The following PPP1R37 variants were observed in gnomAD, a reference collection of about 807,000 sequenced individuals.
The protein encoded by PPP1R37 is leucine rich repeat containing 68.
PPP1R37 carries 21 observed loss-of-function variants against 61.0 expected under a neutral mutation model. The observed-to-expected ratio is 0.34, with a 90% CI of 0.24 to 0.50. PPP1R37 has a LOEUF of 0.50. Ranked by LOEUF, PPP1R37 falls within the 20% of genes least tolerant of loss-of-function variation. PPP1R37 has a pLI of 0.98. For synonymous variants in PPP1R37, 443 were observed against 433.5 expected (o/e 1.02, Z -0.27); for missense variants, 910 against 952.7 (o/e 0.96, Z 0.59).
chr19:45,112,628 T>C (rs1440322238), intron 1 of PPP1R37, among the ~76,000 whole-genome samples: 2 of 152,166 alleles, frequency 1.3e-5, no homozygotes, highest in African/African-American at 4.8e-5. Context: ...ATGGTCCCTC[T>C]TTCAGGACGC....
In PPP1R37 at chr19:45,144,999, G is replaced by A; in HGVS notation, c.1129+4G>A. ...TCCACCAAGCTCACGTGCGAGGGTA[G>A]GGTACGGGGCCGGGCCAGGGTGCGG... On this transcript the variant is annotated splice_donor_region_variant and intron_variant, in intron 9 of 12. Transcript: ENST00000221462. The A allele has an allele frequency of 6.5e-7, 1 of 1,534,098 alleles. No homozygotes were observed. The highest frequency in any genetic ancestry group is 8.7e-7 in the Non-Finnish European group (1 of 1,146,004).
chr19:45,106,790 C>T (rs1214614956), intron 1 of PPP1R37, among the ~76,000 whole-genome samples: 1 of 136,248 alleles, frequency 7.3e-6, no homozygotes, highest in Non-Finnish European at 1.6e-5. Context: ...TTCCTTATGG[C>T]TAATGATGTT....
intron 1 of PPP1R37, among the ~76,000 whole-genome samples, chr19:45,132,829 A>G (rs923768430): frequency 2.0e-5 from 3 of 151,896 alleles, no homozygotes; most frequent in Non-Finnish European, 4.4e-5. Flanking sequence ...TTGGCTTCCC[A>G]AAGTGCTGGG....
At chr19:45,140,374 G>A in intron 3 of PPP1R37, 93 bp downstream of exon 3, 1 of 1,354,294 alleles carries the variant, frequency 7.4e-7, no homozygotes. Flanking sequence ...GGGGTTAGCG[G>A]CTTCTGGAGC....
chr19:45,139,288 T>G (rs1968579036), intron 2 of PPP1R37, among the ~76,000 whole-genome samples: 1 of 152,270 alleles, frequency 6.6e-6, no homozygotes, highest in Admixed American at 6.5e-5. Context: ...ACTACAGATC[T>G]GAAAAGCCAA....
At chr19:45,135,533 A>G (rs1968528347) in intron 1 of PPP1R37, among the ~76,000 whole-genome samples, 1 of 152,216 alleles carries the variant, frequency 6.6e-6, no homozygotes, top group South Asian at 2.1e-4. Context: ...TTAAAGCTTG[A>G]GGAAGCTGAA....
chr19:45,143,670 C>T, intron 8 of PPP1R37, 37 bp downstream of exon 8: 2 of 1,271,770 alleles, frequency 1.6e-6, no homozygotes, highest in South Asian at 2.6e-5. Flanking sequence ...GCACCTCGGT[C>T]CCCGCTGCCA....
At chr19:45,135,322 C>T (rs1477896068) in intron 1 of PPP1R37, among the ~76,000 whole-genome samples, 1 of 152,196 alleles carries the variant, frequency 6.6e-6, no homozygotes, top group Non-Finnish European at 1.5e-5. Context: ...TGGTATCCAC[C>T]CTGATGCCAC....
chr19:45,103,774 C>G (rs1021089842), intron 1 of PPP1R37, among the ~76,000 whole-genome samples: 3 of 152,130 alleles, frequency 2.0e-5, no homozygotes, highest in Admixed American at 1.3e-4. Flanking sequence ...CAGGGCTAAG[C>G]TCTTTACATG....
chr19:45,139,536 G>A (rs777783850), intron 2 of PPP1R37, among the ~76,000 whole-genome samples: 7 of 150,082 alleles, frequency 4.7e-5, no homozygotes, highest in African/African-American at 7.6e-5. Context: ...GAGGGTTCCA[G>A]GGTTGCCTGT....
At position 45,135,706 on chromosome 19, in the gene PPP1R37, C is replaced by A. The variant is rs193228497; in HGVS notation, c.203-2808C>A. Among the ~76,000 whole-genome samples, 5 of 151,964 alleles carry A rather than the reference C, an allele frequency of 3.3e-5. No individual in the cohort carries two copies. In the South Asian group the frequency reaches 1.0e-3, roughly 32 times the overall value. ...TGGATGAAGCGCCTGGCACGAAGTC[C>A]GTGGGCAGCGCTGCTCTGTGTGTCT... is the stretch of plus-strand genomic sequence containing the variant. On this transcript the variant is annotated intron_variant, in intron 1 of 12. Coordinates refer to ENST00000221462, the MANE Select transcript of PPP1R37 (RefSeq NM_019121.2).
At chr19:45,097,440 C>T (rs888723073) in intron 1 of PPP1R37, among the ~76,000 whole-genome samples, 4 of 151,770 alleles carry the variant, frequency 2.6e-5, no homozygotes, top group East Asian at 3.9e-4. Flanking sequence ...ACTGGGGGCA[C>T]CCCAGTGCAG....
chr19:45,105,843 G>A (rs777997996), intron 1 of PPP1R37, among the ~76,000 whole-genome samples: 1 of 152,234 alleles, frequency 6.6e-6, no homozygotes, highest in South Asian at 2.1e-4. Context: ...TGTGTCTCCT[G>A]CACAGCTCCA....
In PPP1R37 at chr19:45,110,546, C is replaced by G. The variant is rs564845098; in HGVS notation, c.202+17019C>G. On this transcript the variant is annotated intron_variant, in intron 1 of 12. Coordinates refer to ENST00000221462, the MANE Select transcript of PPP1R37 (RefSeq NM_019121.2). ...TTTCCCCTATAATATGCATTTTCTT[C>G]TTATAACTGGTAAATTTTTGGGTGA... Among the ~76,000 whole-genome samples the G allele has an allele frequency of 2.0e-5, 3 of 152,156 alleles. No individual in the cohort carries two copies. In the South Asian group the frequency reaches 6.2e-4, roughly 31 times the overall value.
chr19:45,122,249 A>G (rs1599701188), intron 1 of PPP1R37, among the ~76,000 whole-genome samples: 1 of 152,128 alleles, frequency 6.6e-6, no homozygotes. Flanking sequence ...TCACGTGCAC[A>G]CCTTCGCTGC....
rs115490201 is a variant in PPP1R37 at position 45,107,214 on chromosome 19, C to T, written c.202+13687C>T. Among the ~76,000 whole-genome samples the T allele has an allele frequency of 9.4e-3, 1,435 of 151,916 alleles. 20 individuals carry two copies. Among genetic ancestry groups the T allele is most frequent in the African/African-American group, 0.031 (1,290 of 41,428 alleles). ...TTGCCCATTTTTAAATTGAGCCAGC[C>T]GGGCACAGTGATTCATGCCTATAAT... On this transcript the variant is annotated intron_variant, in intron 1 of 12. Coordinates refer to ENST00000221462, the MANE Select transcript of PPP1R37 (RefSeq NM_019121.2).
intron 11 of PPP1R37, 122 bp downstream of exon 11, chr19:45,146,171 C>G (rs764474504): frequency 2.0e-5 from 23 of 1,144,998 alleles, no homozygotes; most frequent in Non-Finnish European, 2.6e-5. Flanking sequence ...CAGGGGCCAG[C>G]AAAGTGGGGC....
At chr19:45,139,526 G>A (rs559543029) in intron 2 of PPP1R37, among the ~76,000 whole-genome samples, 17 of 152,240 alleles carry the variant, frequency 1.1e-4, no homozygotes, top group African/African-American at 2.9e-4. Context: ...CGCTCGTTCC[G>A]AGGGTTCCAG....
At chr19:45,096,152 C>T (rs191527973) in intron 1 of PPP1R37, among the ~76,000 whole-genome samples, 10 of 152,114 alleles carry the variant, frequency 6.6e-5, no homozygotes, top group Non-Finnish European at 1.3e-4. Flanking sequence ...TCATCTTGGG[C>T]TGGTGTGGAG....
Sources: allele counts gnomAD v4.1 joint callset (sites outside exome capture counted in the v4.1 genomes callset), GRCh38; gene constraint gnomAD v4.1.1; transcripts MANE v1.5; gene names NCBI Gene and HGNC (gene_info 2026-07-23, HGNC 2026-07-21).